MAL2: variants seen among roughly 807,000 people sequenced by gnomAD.
MAL2 encodes mal, T cell differentiation protein 2.
A neutral mutation model predicts 18.1 loss-of-function variants in MAL2; 17 were observed. The observed-to-expected ratio is 0.94, with a 90% CI of 0.64 to 1.41. MAL2 has a LOEUF of 1.41. MAL2 is among the 40% of genes most tolerant of loss of function. The pLI is 0.00. For synonymous variants in MAL2, 102 were observed against 102.3 expected, an observed-to-expected ratio of 1.00 and a Z score of 0.02; for missense variants, 222 against 231.9, an observed-to-expected ratio of 0.96 and a Z score of 0.28.
Position 119,218,086 on chromosome 8 carries a change from G to A in MAL2, c.133-3501G>A, listed in dbSNP as rs148781170. ...TACACCAGTATGACAGTCTCAAAATGAGGATGGTGGCCCTCCAAAGTGGGC... is the reference window on the plus strand; with the variant it reads ...TACACCAGTATGACAGTCTCAAAATAAGGATGGTGGCCCTCCAAAGTGGGC... On this transcript the variant is annotated intron_variant, in intron 1 of 3. Transcript: ENST00000614891. Among the ~76,000 whole-genome samples, 124 of 152,264 alleles carry A rather than the reference G, an allele frequency of 8.1e-4. 1 individual carries two copies. Among genetic ancestry groups the A allele is most frequent in the African/African-American group, 2.7e-3 (114 of 41,558 alleles).
intron 2 of MAL2, among the ~76,000 whole-genome samples, chr8:119,237,989 TCA>T (rs1817949866): frequency 6.6e-6 from 1 of 152,200 alleles, no homozygotes; most frequent in Admixed American, 6.5e-5. Context: ...AAAGAGGAAG[TCA>T]TATTGTCCCT....
chr8:119,242,672 G>T (rs1818070045), intron 3 of MAL2, among the ~76,000 whole-genome samples: 1 of 152,104 alleles, frequency 6.6e-6, no homozygotes, highest in African/African-American at 2.4e-5. Flanking sequence ...AGGTGAATCT[G>T]GTATTCCTTC....
rs558087050 is a variant in MAL2 at position 119,213,672 on chromosome 8, A to T, written c.132+5068A>T. The stretch of plus-strand genomic sequence containing the variant: ...CCATCTCTACTAAAAATACAAAATT[A>T]GCCAGGTGTGGTGGCACATGACTGT... On this transcript the variant is annotated intron_variant, in intron 1 of 3. Transcript: ENST00000614891. 7.2e-5 allele frequency among the ~76,000 whole-genome samples: 11 copies of T among 152,228 alleles called. 1 individual carries two copies. In the South Asian group the frequency reaches 2.3e-3, roughly 32 times the overall value.
At chr8:119,231,460 A>G (rs1316558225) in intron 2 of MAL2, among the ~76,000 whole-genome samples, 3 of 152,256 alleles carry the variant, frequency 2.0e-5, no homozygotes, top group African/African-American at 7.2e-5. Flanking sequence ...ATAGGAAAGA[A>G]CGTAGACTTC....
intron 2 of MAL2, among the ~76,000 whole-genome samples, chr8:119,237,946 A>G (rs1186868865): frequency 2.0e-5 from 3 of 152,242 alleles, no homozygotes; most frequent in Non-Finnish European, 4.4e-5. Context: ...CAGGGCCATC[A>G]GGCAGAAGGA....
chr8:119,216,155 C>T (rs1218310585), intron 1 of MAL2, among the ~76,000 whole-genome samples: 1 of 151,818 alleles, frequency 6.6e-6, no homozygotes, highest in African/African-American at 2.4e-5. Flanking sequence ...GGCCACATAC[C>T]CCTTTGTGAT....
chr8:119,216,636 C>T (rs1000032168), intron 1 of MAL2, among the ~76,000 whole-genome samples: 9 of 152,122 alleles, frequency 5.9e-5, no homozygotes, highest in Admixed American at 5.2e-4. Flanking sequence ...TCTATGTTTG[C>T]TGGGTGTTCA....
At chr8:119,225,867 T>C (rs1817584557) in intron 2 of MAL2, among the ~76,000 whole-genome samples, 1 of 152,210 alleles carries the variant, frequency 6.6e-6, no homozygotes, top group Non-Finnish European at 1.5e-5. Context: ...TCTCTGATGG[T>C]CAGTGATGGT....
Position 119,243,626 on chromosome 8 carries a change from G to A in MAL2, c.*138G>A. 1 of 567,260 alleles carries A rather than the reference G, an allele frequency of 1.8e-6. No homozygotes were observed. The highest frequency in any genetic ancestry group is 3.5e-5 in the East Asian group (1 of 28,880). The allele number at this position is 567,260 out of a possible 1,614,324, so 35.1% of individuals were successfully genotyped here. A position where few individuals can be genotyped will look rare whatever the true frequency, so the allele number is the denominator to read the frequency against. On this transcript the variant is annotated 3_prime_UTR_variant, in exon 4 of 4. Transcript: ENST00000614891. ...TAGTAGAGAGAGACTCTAAGCTCAA[G>A]TTCTGGTTTATTTCATGGATGGAAT...
intron 1 of MAL2, among the ~76,000 whole-genome samples, chr8:119,220,783 G>A (rs1817450084): frequency 6.6e-6 from 1 of 152,112 alleles, no homozygotes; most frequent in Admixed American, 6.5e-5. Flanking sequence ...TTCAAATCTG[G>A]ATTTATAGCC....
At chr8:119,220,875 T>C (rs180819492) in intron 1 of MAL2, among the ~76,000 whole-genome samples, 2 of 152,330 alleles carry the variant, frequency 1.3e-5, no homozygotes, top group Admixed American at 1.3e-4. Context: ...TGCTTACTTG[T>C]CTCTTTCCTC....
intron 2 of MAL2, among the ~76,000 whole-genome samples, chr8:119,230,037 A>G (rs1305967226): frequency 6.6e-6 from 1 of 152,142 alleles, no homozygotes; most frequent in African/African-American, 2.4e-5. Flanking sequence ...AGTGGCTTCC[A>G]TGGAACCCAA....
rs1484089698 is a variant in MAL2, at chr8:119,239,107, G to A, written c.304-1058G>A. ...AAAAAAAACAACCCCATCAAAAAGT[G>A]GGTGAAGGATATGAACAGACACTTC... On this transcript the variant is annotated intron_variant, in intron 2 of 3. Transcript: ENST00000614891. Among the ~76,000 whole-genome samples the A allele has an allele frequency of 2.0e-5, 3 of 152,048 alleles. No homozygotes were observed. In the East Asian group the frequency reaches 5.8e-4, roughly 29 times the overall value.
intron 1 of MAL2, among the ~76,000 whole-genome samples, chr8:119,213,546 C>T (rs1464404022): frequency 1.3e-5 from 2 of 152,150 alleles, no homozygotes; most frequent in East Asian, 3.9e-4. Flanking sequence ...AGGCCGGGTG[C>T]AGTGGCTCAT....
intron 2 of MAL2, among the ~76,000 whole-genome samples, chr8:119,231,182 C>T (rs1817716776): frequency 6.6e-6 from 1 of 152,128 alleles, no homozygotes; most frequent in Admixed American, 6.6e-5. Context: ...CAGGCGCCCG[C>T]CACCACACCC....
At chr8:119,209,382 G>T (rs1012674895) in intron 1 of MAL2, among the ~76,000 whole-genome samples, 1 of 152,168 alleles carries the variant, frequency 6.6e-6, no homozygotes, top group Admixed American at 6.5e-5. Flanking sequence ...TAAAGGTGGG[G>T]TTACCTGCCT....
At chr8:119,220,667 T>C (rs1166729616) in intron 1 of MAL2, among the ~76,000 whole-genome samples, 2 of 152,132 alleles carry the variant, frequency 1.3e-5, no homozygotes, top group Non-Finnish European at 2.9e-5. Context: ...AGCTTTGTTC[T>C]TCACCTATGC....
At chr8:119,241,394 G>A (rs1818044804) in intron 3 of MAL2, among the ~76,000 whole-genome samples, 1 of 152,106 alleles carries the variant, frequency 6.6e-6, no homozygotes, top group African/African-American at 2.4e-5. Flanking sequence ...TAAAGAATTG[G>A]CCAGGCCTGG....
At chr8:119,236,669 G>C (rs1268988025) in intron 2 of MAL2, among the ~76,000 whole-genome samples, 5 of 151,124 alleles carry the variant, frequency 3.3e-5, no homozygotes, top group Non-Finnish European at 5.9e-5. Context: ...CATGGAAACT[G>C]AACAACCTGC....
Sources: allele counts gnomAD v4.1 joint callset (sites outside exome capture counted in the v4.1 genomes callset), GRCh38; gene constraint gnomAD v4.1.1; transcripts MANE v1.5; gene names NCBI Gene and HGNC (gene_info 2026-07-23, HGNC 2026-07-21).